Variants in PTPRA observed in about 807,000 individuals in gnomAD.
PTPRA encodes receptor-type tyrosine-protein phosphatase alpha.
Under a neutral mutation model 104.8 loss-of-function variants are expected in PTPRA, and 25 were observed. That is an observed-to-expected ratio of 0.24 (90% CI 0.17 to 0.33). The LOEUF is 0.33. Ranked by LOEUF, PTPRA falls within the 10% of genes least tolerant of loss-of-function variation. The pLI is 1.00. For synonymous variants in PTPRA, 323 were observed against 368.9 expected (o/e 0.88, Z 1.43); for missense variants, 765 against 1,015.3 (o/e 0.75, Z 3.35).
At chr20:2,924,313 A>G (rs778954944) in intron 2 of PTPRA, among the ~76,000 whole-genome samples, 22 of 152,268 alleles carry the variant, frequency 1.4e-4, no homozygotes, top group Admixed American at 4.6e-4. Flanking sequence ...AAGACAGGAG[A>G]ATGGCTTGAA....
intron 17 of PTPRA, among the ~76,000 whole-genome samples, chr20:3,026,094 T>A (rs1393482551): frequency 6.6e-6 from 1 of 151,768 alleles, no homozygotes; most frequent in East Asian, 2.0e-4. Context: ...TACAGGCACG[T>A]GCCACTACCC....
intron 1 of PTPRA, among the ~76,000 whole-genome samples, chr20:2,913,064 A>G (rs1403827884): frequency 1.3e-5 from 2 of 152,122 alleles, no homozygotes; most frequent in Non-Finnish European, 2.9e-5. Context: ...TCAGCCCCAA[A>G]TACTTTAATG....
chr20:2,978,150 G>T (rs955057711), intron 6 of PTPRA, among the ~76,000 whole-genome samples: 2 of 152,124 alleles, frequency 1.3e-5, no homozygotes, highest in African/African-American at 2.4e-5. Context: ...CTGAGTTCAG[G>T]AGTTGGAGCA....
chr20:3,033,115 T>C (rs1304565937), intron 20 of PTPRA, among the ~76,000 whole-genome samples: 1 of 151,926 alleles, frequency 6.6e-6, no homozygotes, highest in Non-Finnish European at 1.5e-5. Flanking sequence ...ACACTAGCCC[T>C]TCAGGATCTC....
intron 6 of PTPRA, among the ~76,000 whole-genome samples, chr20:2,984,964 A>T (rs967780365): frequency 1.3e-5 from 2 of 152,158 alleles, no homozygotes; most frequent in African/African-American, 4.8e-5. Context: ...TTTATTCCTC[A>T]TAGCACTTGT....
chr20:3,027,893 G>T, intron 20 of PTPRA, 52 bp downstream of exon 20: 1 of 1,605,570 alleles, frequency 6.2e-7, no homozygotes, highest in Non-Finnish European at 8.5e-7. Context: ...ATGAAAAGAT[G>T]TGTGTGTAAA....
intron 1 of PTPRA, among the ~76,000 whole-genome samples, chr20:2,920,842 T>A (rs2060072150): frequency 6.6e-6 from 1 of 151,996 alleles, no homozygotes; most frequent in South Asian, 2.1e-4. Flanking sequence ...GAGAGGTTTT[T>A]TTAAGATGTT....
chr20:2,900,621 CGGGG>C (rs1431425399), intron 1 of PTPRA, among the ~76,000 whole-genome samples: 2 of 151,430 alleles, frequency 1.3e-5, no homozygotes, highest in African/African-American at 2.4e-5. Context: ...TTTGGGAGGC[CGGGG>C]CGGGTGGATC....
chr20:2,962,955 T>C (rs971147530), intron 3 of PTPRA, among the ~76,000 whole-genome samples: 1 of 152,204 alleles, frequency 6.6e-6, no homozygotes, highest in African/African-American at 2.4e-5. Flanking sequence ...CATTGAACAC[T>C]TTAGACTGTG....
chr20:2,987,805 G>A (rs1450245931), intron 7 of PTPRA: 1 of 627,880 alleles, frequency 1.6e-6, no homozygotes, highest in East Asian at 3.0e-5. Context: ...TACTGTTGGG[G>A]TTCCCTGGTT....
At chr20:2,929,983 A>G (rs987199902) in intron 2 of PTPRA, among the ~76,000 whole-genome samples, 2 of 152,218 alleles carry the variant, frequency 1.3e-5, no homozygotes, top group Non-Finnish European at 2.9e-5. Context: ...ATACAGTAAG[A>G]TGGTGGCCAT....
At chr20:2,949,206 G>A (rs544289224) in intron 3 of PTPRA, among the ~76,000 whole-genome samples, 1 of 151,648 alleles carries the variant, frequency 6.6e-6, no homozygotes, top group Admixed American at 6.6e-5. Flanking sequence ...GCAAATCAGT[G>A]GCTATTTTTG....
intron 1 of PTPRA, among the ~76,000 whole-genome samples, chr20:2,912,907 A>T (rs1200230451): frequency 6.6e-6 from 1 of 152,204 alleles, no homozygotes; most frequent in Admixed American, 6.5e-5. Context: ...GAAGAATTAG[A>T]TTTTTATAAT....
chr20:2,985,811 G>A (rs376369950), intron 6 of PTPRA, among the ~76,000 whole-genome samples: 21 of 152,152 alleles, frequency 1.4e-4, no homozygotes, highest in East Asian at 1.2e-3. Context: ...CAAATTCCTG[G>A]CCTCAAGCAA....
intron 2 of PTPRA, among the ~76,000 whole-genome samples, chr20:2,931,498 G>A (rs573214781): frequency 2.6e-5 from 4 of 152,302 alleles, no homozygotes; most frequent in African/African-American, 9.6e-5. Flanking sequence ...AGATAATGGA[G>A]GTGATAATCA....
intron 11 of PTPRA, among the ~76,000 whole-genome samples, chr20:3,013,983 T>TG (rs1213710533): frequency 6.6e-6 from 1 of 152,134 alleles, no homozygotes; most frequent in Non-Finnish European, 1.5e-5. Context: ...AGGAAGCACT[T>TG]TGGGGCTGGG....
intron 3 of PTPRA, among the ~76,000 whole-genome samples, chr20:2,948,321 T>C (rs1398416071): frequency 3.3e-5 from 5 of 152,240 alleles, no homozygotes; most frequent in Non-Finnish European, 5.9e-5. Context: ...ATTCCCACTA[T>C]AAAATATTCT....
At chr20:3,027,010 G>C in intron 18 of PTPRA, 111 bp from the exon 19 acceptor site, 1 of 1,224,178 alleles carries the variant, frequency 8.2e-7, no homozygotes, top group Non-Finnish European at 1.2e-6. Context: ...GAACAGACAT[G>C]TCCTTGCCCA....
At chr20:2,910,167 A>G (rs1211369700) in intron 1 of PTPRA, among the ~76,000 whole-genome samples, 1 of 123,232 alleles carries the variant, frequency 8.1e-6, no homozygotes, top group Non-Finnish European at 1.6e-5. Flanking sequence ...GTCATATATA[A>G]TATGACGTAT....
Sources: allele counts gnomAD v4.1 joint callset (sites outside exome capture counted in the v4.1 genomes callset), GRCh38; gene constraint gnomAD v4.1.1; transcripts MANE v1.5; gene names NCBI Gene and HGNC (gene_info 2026-07-23, HGNC 2026-07-21).